SLC35F1: variants seen among roughly 807,000 people sequenced by gnomAD.
The protein encoded by SLC35F1 is chromosome 6 open reading frame 169.
In SLC35F1, 14 loss-of-function variants were observed where a neutral mutation model predicts 48.7. The ratio of observed to expected loss-of-function variants is 0.29; its 90% CI spans 0.19 to 0.45. SLC35F1 has a LOEUF of 0.45. Among genes scored for constraint, SLC35F1 ranks in the 20% least tolerant of loss-of-function variants. SLC35F1 has a pLI of 1.00. For synonymous variants in SLC35F1, 190 were observed against 202.2 expected (o/e 0.94, Z 0.51); for missense variants, 404 against 500.0 (o/e 0.81, Z 1.83).
chr6:118,171,126 T>G (rs1486670279), intron 2 of SLC35F1, among the ~76,000 whole-genome samples: 1 of 152,048 alleles, frequency 6.6e-6, no homozygotes, highest in Admixed American at 6.6e-5. Context: ...ACCCTTGACC[T>G]CCTGAGCTCA....
chr6:118,183,749 G>A (rs1426924399), intron 2 of SLC35F1, among the ~76,000 whole-genome samples: 1 of 152,134 alleles, frequency 6.6e-6, no homozygotes, highest in East Asian at 1.9e-4. Context: ...GCTTAGTTAG[G>A]CCTAAGGTCT....
intron 1 of SLC35F1, among the ~76,000 whole-genome samples, chr6:118,042,114 T>C (rs1329508382): frequency 6.6e-6 from 1 of 152,142 alleles, no homozygotes; most frequent in Non-Finnish European, 1.5e-5. Flanking sequence ...TGCTCTTACA[T>C]GATATATATA....
At chr6:118,023,660 G>A (rs1392938626) in intron 1 of SLC35F1, among the ~76,000 whole-genome samples, 2 of 152,096 alleles carry the variant, frequency 1.3e-5, no homozygotes, top group Admixed American at 6.6e-5. Context: ...CTGGCCTCAA[G>A]TCCTATATCA....
chr6:118,001,701 T>C (rs1282795794), intron 1 of SLC35F1, among the ~76,000 whole-genome samples: 1 of 152,118 alleles, frequency 6.6e-6, no homozygotes, highest in African/African-American at 2.4e-5. Flanking sequence ...ATCCTACTTA[T>C]CTGACAAAGG....
chr6:118,005,891 A>G (rs908222178), intron 1 of SLC35F1, among the ~76,000 whole-genome samples: 1 of 152,092 alleles, frequency 6.6e-6, no homozygotes, highest in African/African-American at 2.4e-5. Flanking sequence ...AATTTCACTT[A>G]CTGCTTCTAC....
intron 6 of SLC35F1, among the ~76,000 whole-genome samples, chr6:118,282,190 T>C (rs974178203): frequency 7.2e-5 from 11 of 152,356 alleles, no homozygotes; most frequent in African/African-American, 2.4e-4. Context: ...GACAGCAAGT[T>C]GGACTTTCAG....
At chr6:118,036,804 T>C (rs993320178) in intron 1 of SLC35F1, among the ~76,000 whole-genome samples, 4 of 152,266 alleles carry the variant, frequency 2.6e-5, no homozygotes, top group Non-Finnish European at 5.9e-5. Flanking sequence ...CAAGTGATCC[T>C]CCTGCCTTGG....
At position 118,096,495 on chromosome 6, in the gene SLC35F1, TG is replaced by T. The variant is rs1773178585; in HGVS notation, c.174-57947del. 2.0e-5 allele frequency among the ~76,000 whole-genome samples: 3 copies of T among 152,336 alleles called. No homozygotes were observed. In the South Asian group the frequency reaches 6.2e-4, roughly 32 times the overall value. ...TTCTCTTGGCTGAGTTTCTAGCGAT[TG>T]GGTATTCAGTTTTGGCTGACTACAC... On this transcript the variant is annotated intron_variant, in intron 1 of 7. Transcript: ENST00000360388.
chr6:118,076,468 C>T (rs1297178842), intron 1 of SLC35F1, among the ~76,000 whole-genome samples: 1 of 152,096 alleles, frequency 6.6e-6, no homozygotes, highest in Non-Finnish European at 1.5e-5. Flanking sequence ...CCTCAGGAAA[C>T]TTACAATCAT....
At chr6:118,257,004 G>A (rs749491030) in intron 3 of SLC35F1, among the ~76,000 whole-genome samples, 1 of 152,138 alleles carries the variant, frequency 6.6e-6, no homozygotes, top group Non-Finnish European at 1.5e-5. Flanking sequence ...ATGTAGATGT[G>A]TAATCAGGAA....
At chr6:118,278,916 A>T (rs1775949370) in intron 6 of SLC35F1, among the ~76,000 whole-genome samples, 1 of 152,324 alleles carries the variant, frequency 6.6e-6, no homozygotes, top group East Asian at 1.9e-4. Context: ...TTCTGTTATA[A>T]TTCAGTGTTA....
At chr6:117,963,041 G>GGGAA in intron 1 of SLC35F1, among the ~76,000 whole-genome samples, 1 of 152,186 alleles carries the variant, frequency 6.6e-6, no homozygotes, top group East Asian at 1.9e-4. Context: ...GGAGGGGAGG[G>GGGAA]GGAAGGAAGG....
intron 1 of SLC35F1, among the ~76,000 whole-genome samples, chr6:118,042,731 T>C (rs1772243965): frequency 6.6e-6 from 1 of 152,132 alleles, no homozygotes; most frequent in Non-Finnish European, 1.5e-5. Context: ...TATTTAAGCA[T>C]ACATTTCAGC....
At position 117,907,479 on chromosome 6, in the gene SLC35F1, G is replaced by GGGGA. The variant is rs1270702023; in HGVS notation, c.-245_-244insAGGG. 4.0e-4 allele frequency: 105 copies of GGGGA among 264,542 alleles called. No homozygotes were observed. Among genetic ancestry groups the GGGGA allele is most frequent in the African/African-American group, 2.3e-3 (100 of 44,364 alleles). 16.4% of individuals were successfully genotyped at this position (264,542 alleles called of 1,614,324 possible). A position where few individuals can be genotyped will look rare whatever the true frequency, so the allele number is the denominator to read the frequency against. ...TTGGGGACGCGGCTCGGGAAGAGCC[G>GGGGA]GGGCGGGCGGCGGCGGCGGCGGCAC... On this transcript the variant is annotated 5_prime_UTR_variant, in exon 1 of 8. Coordinates refer to ENST00000360388, the MANE Select transcript of SLC35F1 (RefSeq NM_001029858.4).
intron 1 of SLC35F1, among the ~76,000 whole-genome samples, chr6:117,932,373 A>G (rs949029473): frequency 6.6e-6 from 1 of 152,234 alleles, no homozygotes; most frequent in African/African-American, 2.4e-5. Flanking sequence ...AAACTAAGGC[A>G]CATGAAGTTT....
intron 1 of SLC35F1, among the ~76,000 whole-genome samples, chr6:118,078,585 T>C (rs1772856770): frequency 6.6e-6 from 1 of 152,366 alleles, no homozygotes; most frequent in East Asian, 1.9e-4. Flanking sequence ...CTTGACTCTT[T>C]AGTCTCGTGG....
At chr6:118,059,061 C>T (rs9374706) in intron 1 of SLC35F1, among the ~76,000 whole-genome samples, 46,273 of 152,056 alleles carry the variant, frequency 0.3, 7,539 homozygotes, top group East Asian at 0.47. Context: ...ACATATACCA[C>T]GGTATTTAAT....
At position 117,992,902 on chromosome 6, in the gene SLC35F1, T is replaced by C. The variant is rs189107295; in HGVS notation, c.173+85003T>C. 1.1e-4 allele frequency among the ~76,000 whole-genome samples: 16 copies of C among 152,368 alleles called. No individual in the cohort carries two copies. In the East Asian group the frequency reaches 2.3e-3, roughly 22 times the overall value. ...AAGATAGGAATTTTGCAGATGGCAT[T>C]GGGCCATGCTTCATTTCTGGTCAAA... On this transcript the variant is annotated intron_variant, in intron 1 of 7. Coordinates refer to ENST00000360388, the MANE Select transcript of SLC35F1 (RefSeq NM_001029858.4).
chr6:118,045,608 T>G (rs1772288284), intron 1 of SLC35F1, among the ~76,000 whole-genome samples: 1 of 152,200 alleles, frequency 6.6e-6, no homozygotes. Context: ...TTCCCGTGTC[T>G]TTGGGATTTA....
Sources: allele counts gnomAD v4.1 joint callset (sites outside exome capture counted in the v4.1 genomes callset), GRCh38; gene constraint gnomAD v4.1.1; transcripts MANE v1.5; gene names NCBI Gene and HGNC (gene_info 2026-07-23, HGNC 2026-07-21).